The following FOXN3 variants were observed in gnomAD, a reference collection of about 807,000 sequenced individuals.
FOXN3 encodes the protein forkhead box protein N3.
Under a neutral mutation model 38.4 loss-of-function variants are expected in FOXN3, and 7 were observed. The ratio of observed to expected loss-of-function variants is 0.18; its 90% CI spans 0.10 to 0.34. FOXN3 has a LOEUF of 0.34. Among genes scored for constraint, FOXN3 ranks in the 10% least tolerant of loss-of-function variants. The probability of loss-of-function intolerance (pLI) is 1.00; values close to 1 mark genes in which losing one functional copy is unlikely to be tolerated. For missense variants in FOXN3, 456 were observed against 613.4 expected (o/e 0.74, Z 2.71); for synonymous variants, 230 against 242.2 (o/e 0.95, Z 0.47).
intron 3 of FOXN3, among the ~76,000 whole-genome samples, chr14:89,329,380 G>T (rs1334643999): frequency 6.6e-6 from 1 of 152,160 alleles, no homozygotes; most frequent in Non-Finnish European, 1.5e-5. Context: ...GGGATTTGGG[G>T]TGTGCCAGTG....
chr14:89,337,329 C>T (rs571418514), intron 3 of FOXN3, among the ~76,000 whole-genome samples: 1 of 152,198 alleles, frequency 6.6e-6, no homozygotes, highest in Admixed American at 6.5e-5. Context: ...GGGCTTTGTT[C>T]TCATCAAAGA....
At position 89,537,240 on chromosome 14, in the gene FOXN3, C is replaced by T. The variant is rs186721775; in HGVS notation, c.-15+81788G>A. 2.6e-3 allele frequency among the ~76,000 whole-genome samples: 393 copies of T among 152,234 alleles called. 4 individuals carry two copies. The Middle Eastern group carries it at 0.041, about 16-fold the overall frequency. On this transcript the variant is annotated intron_variant, in intron 1 of 6. Coordinates refer to the FOXN3 transcript ENST00000345097. ...GGGACTCCACAGAATGGAGGATTCC[C>T]GGTGGATTCCATGAAATGCTTGGTG...
intron 3 of FOXN3, among the ~76,000 whole-genome samples, chr14:89,308,850 G>A (rs1390206342): frequency 6.6e-6 from 1 of 152,164 alleles, no homozygotes. Flanking sequence ...GCGAAGGACA[G>A]GTAAGCACAG....
chr14:89,195,196 T>C (rs182582217), intron 4 of FOXN3, among the ~76,000 whole-genome samples: 1 of 152,280 alleles, frequency 6.6e-6, no homozygotes, highest in Non-Finnish European at 1.5e-5. Context: ...TGCACACTTC[T>C]CCCAGTCCCC....
At chr14:89,223,541 A>G (rs150573644) in intron 4 of FOXN3, among the ~76,000 whole-genome samples, 230 of 152,378 alleles carry the variant, frequency 1.5e-3, no homozygotes, top group African/African-American at 5.2e-3. Flanking sequence ...ATTCCTGGGC[A>G]GCCTCCAGGA....
intron 1 of FOXN3, among the ~76,000 whole-genome samples, chr14:89,568,290 C>G (rs1286187571): frequency 6.6e-6 from 1 of 152,188 alleles, no homozygotes; most frequent in Non-Finnish European, 1.5e-5. Context: ...ACCTATGAAC[C>G]ATCCTGCATG....
At chr14:89,497,755 C>T (rs1893715621) in intron 1 of FOXN3, among the ~76,000 whole-genome samples, 1 of 152,050 alleles carries the variant, frequency 6.6e-6, no homozygotes, top group Non-Finnish European at 1.5e-5. Flanking sequence ...GGGAATATAC[C>T]AGAAGTGGAC....
At chr14:89,167,140 T>C (rs563883368) in intron 5 of FOXN3, among the ~76,000 whole-genome samples, 1 of 152,256 alleles carries the variant, frequency 6.6e-6, no homozygotes, top group Non-Finnish European at 1.5e-5. Flanking sequence ...CACGTGCTAT[T>C]CATCTCAGAT....
At chr14:89,231,278 C>A (rs1352346151) in intron 4 of FOXN3, among the ~76,000 whole-genome samples, 2 of 151,994 alleles carry the variant, frequency 1.3e-5, no homozygotes, top group Non-Finnish European at 2.9e-5. Flanking sequence ...TAAAGAAAAT[C>A]AAAATTACCC....
At position 89,601,229 on chromosome 14, in the gene FOXN3, A is replaced by G. The variant is rs566666466; in HGVS notation, c.-15+17799T>C. Among the ~76,000 whole-genome samples, 14 of 152,350 alleles carry G rather than the reference A, an allele frequency of 9.2e-5. No homozygotes were observed. The East Asian group carries it at 2.1e-3, about 23-fold the overall frequency. On this transcript the variant is annotated intron_variant, in intron 1 of 6. Transcript: ENST00000345097. Reference sequence around the variant, plus strand: ...CTATTCAGGATACCACTTCCTATTCATAATCTGCATATTTAAGATGGCTTG... The same window carrying G: ...CTATTCAGGATACCACTTCCTATTCGTAATCTGCATATTTAAGATGGCTTG...
At chr14:89,195,783 A>T (rs1888083698) in intron 4 of FOXN3, among the ~76,000 whole-genome samples, 1 of 152,200 alleles carries the variant, frequency 6.6e-6, no homozygotes, top group African/African-American at 2.4e-5. Context: ...GGGGGGTACG[A>T]GAGAACAAGC....
rs1387330170 is a variant in FOXN3 at position 89,314,755 on chromosome 14, G to C, written c.681-33741C>G. ...GAGCTCTGCTTGTGTTTCCCTACTA[G>C]GCCACACGTGTATGCACAAACATAC... On this transcript the variant is annotated intron_variant, in intron 3 of 5. Transcript: ENST00000557258. Among the ~76,000 whole-genome samples the C allele has an allele frequency of 2.0e-5, 3 of 151,954 alleles. No individual in the cohort carries two copies. The East Asian group carries it at 5.8e-4, about 29-fold the overall frequency.
intron 3 of FOXN3, among the ~76,000 whole-genome samples, chr14:89,284,227 G>A (rs1268174305): frequency 6.6e-6 from 1 of 151,868 alleles, no homozygotes; most frequent in Non-Finnish European, 1.5e-5. Flanking sequence ...TGTTGCTGAG[G>A]CTGGTCTCAA....
intron 2 of FOXN3, chr14:89,356,607 A>C (rs1032818946): frequency 2.0e-5 from 3 of 152,290 alleles, no homozygotes; most frequent in Middle Eastern, 6.8e-3. Context: ...GGTGATCTTG[A>C]AACAATAGCT....
intron 4 of FOXN3, among the ~76,000 whole-genome samples, chr14:89,212,268 G>A (rs989438833): frequency 1.3e-5 from 2 of 152,214 alleles, no homozygotes; most frequent in African/African-American, 4.8e-5. Context: ...CAATTCACAA[G>A]GATCGTGTGT....
At chr14:89,481,893 G>A (rs1326992731) in intron 1 of FOXN3, among the ~76,000 whole-genome samples, 2 of 152,170 alleles carry the variant, frequency 1.3e-5, no homozygotes, top group African/African-American at 2.4e-5. Context: ...ATTTCTGGGT[G>A]TGAAAGGGAA....
At chr14:89,414,698 C>T (rs1282432768) in intron 1 of FOXN3, among the ~76,000 whole-genome samples, 1 of 152,046 alleles carries the variant, frequency 6.6e-6, no homozygotes, top group Non-Finnish European at 1.5e-5. Context: ...GGACTACAGG[C>T]GTGTGCCACC....
At chr14:89,512,430 C>T (rs566774535) in intron 1 of FOXN3, among the ~76,000 whole-genome samples, 18 of 152,124 alleles carry the variant, frequency 1.2e-4, no homozygotes, top group African/African-American at 4.3e-4. Flanking sequence ...GGAGATTGGA[C>T]AAGACAAAGG....
rs1209556300 is a variant in FOXN3 at position 89,346,398 on chromosome 14, AT to A, written c.680+4273del. Among the ~76,000 whole-genome samples, 4 of 152,266 alleles carry A rather than the reference AT, an allele frequency of 2.6e-5. No individual in the cohort carries two copies. The East Asian group carries it at 7.7e-4, about 29-fold the overall frequency. On this transcript the variant is annotated intron_variant, in intron 3 of 5. Transcript: ENST00000557258. ...TCTTCTTAGTCTCCTCTGGTCTGTA[AT>A]AGATTCTAAGACTTTCCCTGTTTCT... is the stretch of plus-strand genomic sequence containing the variant.
Sources: allele counts gnomAD v4.1 joint callset (sites outside exome capture counted in the v4.1 genomes callset), GRCh38; gene constraint gnomAD v4.1.1; transcripts MANE v1.5; gene names NCBI Gene and HGNC (gene_info 2026-07-23, HGNC 2026-07-21).